Variants in WDR5 observed in about 807,000 individuals in gnomAD.
WDR5 encodes the protein WD repeat-containing protein 5.
For missense variants in WDR5, 187 were observed against 416.9 expected (o/e 0.45, Z 4.80); for synonymous variants, 144 against 161.6 (o/e 0.89, Z 0.83).
rs1401305757 is a variant in WDR5 at position 134,145,098 on chromosome 9, T to TTTTTG, written c.528+2383_528+2384insGTTTT. ...TGCAGAGAGGTTTGTGGGGCTTTGT[T>TTTTTG]TTTTTTTTTTTTTTTTTTGAAACAG... On this transcript the variant is annotated intron_variant, in intron 7 of 13. Transcript: ENST00000358625. Among the ~76,000 whole-genome samples, 143 of 111,168 alleles carry TTTTTG rather than the reference T, an allele frequency of 1.3e-3. 5 individuals carry two copies. The East Asian group carries it at 0.019, about 15-fold the overall frequency. 72.9% of individuals were successfully genotyped at this position (111,168 alleles called of 152,430 possible). A position where few individuals can be genotyped will look rare whatever the true frequency, so the allele number is the denominator to read the frequency against.
In WDR5 at chr9:134,141,630, C is replaced by T. The variant is rs200584748; in HGVS notation, c.264+47C>T. 9.4e-6 allele frequency: 15 copies of T among 1,593,224 alleles called. No individual in the cohort carries two copies. In the African/African-American group the frequency reaches 1.5e-4, roughly 16 times the overall value. On this transcript the variant is annotated intron_variant, in intron 4 of 13. Coordinates refer to ENST00000358625, the MANE Select transcript of WDR5 (RefSeq NM_017588.3). ...TGAAGTTGACTGTTGAACAGGGTGG[C>T]TCTAGTGATCAAGGGGTCAGGGCTG...
At chr9:134,144,834 T>A (rs1832088126) in intron 7 of WDR5, among the ~76,000 whole-genome samples, 1 of 151,668 alleles carries the variant, frequency 6.6e-6, no homozygotes, top group Non-Finnish European at 1.5e-5. Context: ...AGACCCCATG[T>A]CTTAAAAAAA....
In WDR5 at chr9:134,159,877, G is replaced by C. The variant is rs1304506870; in HGVS notation, c.*1884G>C. The C allele has an allele frequency of 2.0e-5, 3 of 152,178 alleles. No homozygotes were observed. The highest frequency in any genetic ancestry group is 6.5e-5 in the Admixed American group (1 of 15,284). 9.4% of individuals were successfully genotyped at this position (152,178 alleles called of 1,614,324 possible). A position where few individuals can be genotyped will look rare whatever the true frequency, so the allele number is the denominator to read the frequency against. On this transcript the variant is annotated 3_prime_UTR_variant, in exon 14 of 14. Transcript: ENST00000358625. The surrounding 1 kb of genome is among the most constrained non-coding windows in gnomAD (Gnocchi z 4.3). The stretch of plus-strand genomic sequence containing the variant: ...GTGCTGTGCTGAGCGCTGTATCCCT[G>C]AATATAGTTTATTTTTTCTACATTT...
At chr9:134,153,199 C>T (rs572588532) in intron 9 of WDR5, among the ~76,000 whole-genome samples, 11 of 152,316 alleles carry the variant, frequency 7.2e-5, no homozygotes, top group African/African-American at 2.2e-4. Flanking sequence ...GCACACGTAA[C>T]CCTCACGGCC....
At chr9:134,149,566 C>A (rs1381905358) in intron 8 of WDR5, among the ~76,000 whole-genome samples, 1 of 152,236 alleles carries the variant, frequency 6.6e-6, no homozygotes, top group Non-Finnish European at 1.5e-5. Context: ...CTCCCGGCCC[C>A]TCTGTGTGTG....
At chr9:134,137,111 C>T (rs1257248107) in intron 1 of WDR5, among the ~76,000 whole-genome samples, 2 of 152,238 alleles carry the variant, frequency 1.3e-5, no homozygotes, top group East Asian at 3.9e-4. Flanking sequence ...CAGGCAGATT[C>T]CTGGGCTCCA....
intron 12 of WDR5, 151 bp from the exon 13 acceptor site, chr9:134,156,354 AG>A: frequency 1.4e-6 from 1 of 700,142 alleles, no homozygotes; most frequent in Non-Finnish European, 2.5e-6. Flanking sequence ...GCCTGGCTGG[AG>A]GGCAGGCAGG....
intron 7 of WDR5, among the ~76,000 whole-genome samples, chr9:134,143,525 CTCTG>C (rs959848897): frequency 6.8e-6 from 1 of 147,880 alleles, no homozygotes; most frequent in Non-Finnish European, 1.5e-5. Flanking sequence ...GAGAGCGAAA[CTCTG>C]TCTTTTTTTT....
chr9:134,147,755 C>T (rs1832277191), intron 7 of WDR5, among the ~76,000 whole-genome samples: 1 of 152,124 alleles, frequency 6.6e-6, no homozygotes, highest in African/African-American at 2.4e-5. Flanking sequence ...TGCAGTGGCT[C>T]ATGCCTGTAC....
intron 7 of WDR5, 96 bp from the exon 8 acceptor site, chr9:134,148,186 CTTTTTT>C (rs34443303): frequency 2.3e-3 from 658 of 284,976 alleles, no homozygotes; most frequent in Non-Finnish European, 2.8e-3. Flanking sequence ...ATAACTCAGT[CTTTTTT>C]TTTTTTTTTT....
In WDR5 at chr9:134,151,904, A is replaced by C. The variant is rs1005284744; in HGVS notation, c.585-79A>C. Reference sequence around the variant, plus strand: ...ATAGGGAAAAGCGTGCTAGTCCTAAAATTTATATCTGACTCCCAGCAGCCC... The same window carrying C: ...ATAGGGAAAAGCGTGCTAGTCCTAACATTTATATCTGACTCCCAGCAGCCC... On this transcript the variant is annotated intron_variant, in intron 8 of 13. Coordinates refer to ENST00000358625, the MANE Select transcript of WDR5 (RefSeq NM_017588.3). The C allele has an allele frequency of 3.4e-6, 5 of 1,468,006 alleles. No homozygotes were observed. The African/African-American group carries it at 5.7e-5, about 17-fold the overall frequency. The allele number at this position is 1,468,006 out of a possible 1,614,324, so 90.9% of individuals were successfully genotyped here. A position where few individuals can be genotyped will look rare whatever the true frequency, so the allele number is the denominator to read the frequency against.
chr9:134,142,305 G>A (rs754401337), intron 5 of WDR5, 28 bp from the exon 6 acceptor site: 2 of 1,604,454 alleles, frequency 1.2e-6, no homozygotes, highest in Non-Finnish European at 8.5e-7. Context: ...ATAAGCACTG[G>A]AATAATCCTA....
At chr9:134,156,358 C>A in intron 12 of WDR5, 148 bp from the exon 13 acceptor site, 1 of 720,680 alleles carries the variant, frequency 1.4e-6, no homozygotes, top group Non-Finnish European at 2.4e-6. Context: ...GGCTGGAGGG[C>A]AGGCAGGGCT....
At chr9:134,150,052 G>A (rs1832416543) in intron 8 of WDR5, among the ~76,000 whole-genome samples, 1 of 152,150 alleles carries the variant, frequency 6.6e-6, no homozygotes, top group Admixed American at 6.5e-5. Context: ...CCAACGATTC[G>A]AGACCACAGG....
chr9:134,141,800 C>A, intron 4 of WDR5, 149 bp from the exon 5 acceptor site: 2 of 874,484 alleles, frequency 2.3e-6, no homozygotes, highest in Non-Finnish European at 3.5e-6. Context: ...AGAAAGCCTG[C>A]TGTTTTTCTC....
chr9:134,140,783 C>T lies in WDR5; in HGVS notation c.162C>T (p.Ser54=). ...AAGCAGTGTCCTCCGTGAAATTCAG[C>T]CCGAATGGAGAGTGGCTGGCAAGTT... is the stretch of plus-strand genomic sequence containing the variant. ...HTKAVSSVKF[S]PNGEWLASSS... Residue 54 remains serine, a synonymous_variant, in exon 3 of 14, where the codon AGC becomes AGT. Coordinates refer to ENST00000358625, the MANE Select transcript of WDR5 (RefSeq NM_017588.3). 1 of 1,614,158 alleles carries T rather than the reference C, an allele frequency of 6.2e-7. No homozygotes were observed. Among genetic ancestry groups the T allele is most frequent in the Non-Finnish European group, 8.5e-7 (1 of 1,180,018 alleles).
intron 1 of WDR5, among the ~76,000 whole-genome samples, chr9:134,137,684 CAA>C (rs538705043): frequency 9.5e-6 from 1 of 104,950 alleles, no homozygotes; most frequent in East Asian, 2.6e-4. Flanking sequence ...AAAACAAAAA[CAA>C]AAAAAAAACA....
chr9:134,139,562 CA>C (rs1831766475), intron 1 of WDR5, among the ~76,000 whole-genome samples: 1 of 152,016 alleles, frequency 6.6e-6, no homozygotes, highest in African/African-American at 2.4e-5. Flanking sequence ...TTCTGGATAA[CA>C]AAATAAGAAG....
chr9:134,139,801 T>A lies in WDR5; in HGVS notation c.-58-19T>A, dbSNP rs1213155867. ...TATAGTTTGTTTCTTGGCTCCCTGT[T>A]CTGCATCTCGCTCAACAGACTGCCT... is the stretch of plus-strand genomic sequence containing the variant. On this transcript the variant is annotated intron_variant, in intron 1 of 13. Transcript: ENST00000358625. 12 of 1,504,232 alleles carry A rather than the reference T, an allele frequency of 8.0e-6. No individual in the cohort carries two copies. The East Asian group carries it at 9.1e-5, about 11-fold the overall frequency. The allele number at this position is 1,504,232 out of a possible 1,614,324, so 93.2% of individuals were successfully genotyped here. A position where few individuals can be genotyped will look rare whatever the true frequency, so the allele number is the denominator to read the frequency against.
Sources: gnomAD v4.1 joint callset for allele counts (sites outside exome capture counted in the v4.1 genomes callset) on GRCh38, gnomAD v4.1.1 for gene constraint, Gnocchi (gnomAD v3.1) non-coding constraint, MANE v1.5 for transcripts, NCBI Gene and HGNC (gene_info 2026-07-23, HGNC 2026-07-21) for gene names.